Variants in TENM2 observed in about 807,000 individuals in gnomAD.
The protein encoded by TENM2 is teneurin-2.
Under a neutral mutation model 245.2 loss-of-function variants are expected in TENM2, and 52 were observed. The observed-to-expected ratio is 0.21, with a 90% CI of 0.17 to 0.27. The LOEUF (loss-of-function observed/expected upper bound fraction) is 0.27, where lower values mean the gene tolerates loss of function less well. Among genes scored for constraint, TENM2 ranks in the 10% least tolerant of loss-of-function variants. TENM2 has a pLI of 1.00. For synonymous variants in TENM2, 1,363 were observed against 1,438.9 expected (o/e 0.95, Z 1.19); for missense variants, 3,046 against 3,666.8 (o/e 0.83, Z 4.37).
the TENM2 span, among the ~76,000 whole-genome samples, chr5:167,271,526 A>G: frequency 6.6e-6 from 1 of 152,198 alleles, no homozygotes; most frequent in Non-Finnish European, 1.5e-5. Context: ...TATTCAAGTA[A>G]GAATACACAC....
At chr5:167,103,296 A>G in the TENM2 span, among the ~76,000 whole-genome samples, 1 of 152,212 alleles carries the variant, frequency 6.6e-6, no homozygotes, top group Non-Finnish European at 1.5e-5. Context: ...TTAGTATTCT[A>G]TACATTTATA....
chr5:167,275,339 T>A, the TENM2 span, among the ~76,000 whole-genome samples: 2 of 152,142 alleles, frequency 1.3e-5, no homozygotes, highest in African/African-American at 2.4e-5. Context: ...TTTTAGCTAT[T>A]CCAGTTCTTG....
At chr5:167,725,169 A>AT (rs144497842) in intron 2 of TENM2, among the ~76,000 whole-genome samples, 33 of 150,640 alleles carry the variant, frequency 2.2e-4, no homozygotes, top group Admixed American at 3.3e-4. Context: ...AATTCAATAA[A>AT]TTTTTTTTTT....
the TENM2 span, among the ~76,000 whole-genome samples, chr5:167,253,596 T>C: frequency 6.6e-6 from 1 of 152,180 alleles, no homozygotes; most frequent in Non-Finnish European, 1.5e-5. Flanking sequence ...AAGTGATTTA[T>C]TTTTAAAAAC....
chr5:168,065,225 G>A (rs915189673), intron 7 of TENM2, among the ~76,000 whole-genome samples: 3 of 152,076 alleles, frequency 2.0e-5, no homozygotes, highest in African/African-American at 7.2e-5. Flanking sequence ...GAGCCTACAA[G>A]GTTTAGTATC....
intron 27 of TENM2, 84 bp from the exon 30 acceptor site, chr5:168,260,199 T>G (rs1016838243): frequency 3.5e-5 from 52 of 1,506,582 alleles, no homozygotes; most frequent in Non-Finnish European, 4.6e-5. Flanking sequence ...AACCACCCAT[T>G]TTATTTTGTT....
chr5:167,479,340 A>G (rs1265700086), intron 2 of TENM2, among the ~76,000 whole-genome samples: 1 of 152,206 alleles, frequency 6.6e-6, no homozygotes, highest in Non-Finnish European at 1.5e-5. Context: ...CCAATTATAT[A>G]AAAGTGAAAG....
At chr5:167,705,989 A>ATT (rs1554103339) in intron 2 of TENM2, among the ~76,000 whole-genome samples, 29 of 63,950 alleles carry the variant, frequency 4.5e-4, no homozygotes, top group South Asian at 1.2e-3. Flanking sequence ...ATATATATAT[A>ATT]TATTTATTTA....
chr5:167,255,522 T>C, the TENM2 span, among the ~76,000 whole-genome samples: 1 of 152,186 alleles, frequency 6.6e-6, no homozygotes, highest in Non-Finnish European at 1.5e-5. Flanking sequence ...AAGCCGACTA[T>C]AAACTCCTGC....
rs1281368878 is a variant in TENM2 at position 167,755,673 on chromosome 5, C to G, written c.503-120313C>G. Among the ~76,000 whole-genome samples, 7 of 152,000 alleles carry G rather than the reference C, an allele frequency of 4.6e-5. No homozygotes were observed. The South Asian group carries it at 1.5e-3, about 32-fold the overall frequency. On this transcript the variant is annotated intron_variant, in intron 2 of 28. Transcript: ENST00000518659. ...GGATTGGCTTTACCCTTTATTGTAG[C>G]TTGGTGTTAAGACATTTTTAAAATA...
At chr5:167,236,781 G>A in the TENM2 span, among the ~76,000 whole-genome samples, 7 of 152,144 alleles carry the variant, frequency 4.6e-5, no homozygotes, top group East Asian at 9.7e-4. Flanking sequence ...CAAAGGGAAA[G>A]CAAAGATCTA....
At chr5:167,794,021 G>A (rs1765156755) in intron 2 of TENM2, among the ~76,000 whole-genome samples, 1 of 151,560 alleles carries the variant, frequency 6.6e-6, no homozygotes, top group Admixed American at 6.6e-5. Flanking sequence ...AGTAAGAATA[G>A]AAAAATGATA....
intron 4 of TENM2, chr5:167,965,485 G>C (rs529691134): frequency 1.3e-5 from 2 of 152,152 alleles, no homozygotes; most frequent in South Asian, 4.2e-4. Flanking sequence ...GGGAGGTTGA[G>C]ATGGAAGAAT....
chr5:168,229,358 G>A lies in TENM2; in HGVS notation c.5520+1228G>A, dbSNP rs944556768. Among the ~76,000 whole-genome samples, 9 of 152,196 alleles carry A rather than the reference G, an allele frequency of 5.9e-5. No homozygotes were observed. The South Asian group carries it at 1.9e-3, about 32-fold the overall frequency. On this transcript the variant is annotated intron_variant, in intron 25 of 28. Transcript: ENST00000518659. Reference sequence around the variant, plus strand: ...GAGCTTCTCAGCAGAAGTGGATTCTGCTCCAGTCACTTATCTGTCACCAAG... The same window carrying A: ...GAGCTTCTCAGCAGAAGTGGATTCTACTCCAGTCACTTATCTGTCACCAAG...
At chr5:167,343,754 C>A (rs1347402498) in intron 1 of TENM2, among the ~76,000 whole-genome samples, 2 of 152,056 alleles carry the variant, frequency 1.3e-5, no homozygotes, top group African/African-American at 2.4e-5. Context: ...CATTAAATTG[C>A]TCTAAGATAA....
chr5:167,427,337 C>T (rs1763893723), intron 2 of TENM2, among the ~76,000 whole-genome samples: 1 of 152,082 alleles, frequency 6.6e-6, no homozygotes, highest in Non-Finnish European at 1.5e-5. Flanking sequence ...CCTGTAATCC[C>T]AGCTACTTGG....
chr5:167,872,296 T>TAGAA (rs56684638), intron 2 of TENM2, among the ~76,000 whole-genome samples: 5,208 of 104,348 alleles, frequency 0.05, 148 homozygotes, highest in East Asian at 0.1. Context: ...AAGAGAAAGA[T>TAGAA]AGAAAGAAAG....
chr5:167,324,579 G>GA (rs1012900679), intron 1 of TENM2, among the ~76,000 whole-genome samples: 10 of 150,770 alleles, frequency 6.6e-5, no homozygotes, highest in Admixed American at 2.0e-4. Context: ...TTTATTTATG[G>GA]AAAAAAAACT....
chr5:167,345,307 C>T lies in TENM2; in HGVS notation c.227-29891C>T, dbSNP rs570438633. On this transcript the variant is annotated intron_variant, in intron 1 of 28. Transcript: ENST00000518659. ...TCTCCATTCGGCTTTAGTGGTTGCA[C>T]GTGTCCATCAGCTTGTGGCTGAGCG... Among the ~76,000 whole-genome samples, 14 of 152,270 alleles carry T rather than the reference C, an allele frequency of 9.2e-5. No homozygotes were observed. The East Asian group carries it at 2.7e-3, about 30-fold the overall frequency.
Sources: gnomAD v4.1 joint callset for allele counts (sites outside exome capture counted in the v4.1 genomes callset) on GRCh38, gnomAD v4.1.1 for gene constraint, MANE v1.5 for transcripts, NCBI Gene and HGNC (gene_info 2026-07-23, HGNC 2026-07-21) for gene names.